Variants in TENM4 observed in about 807,000 individuals in gnomAD.
The protein encoded by TENM4 is teneurin-4.
Under a neutral mutation model 243.3 loss-of-function variants are expected in TENM4, and 82 were observed. The observed-to-expected ratio is 0.34, with a 90% CI of 0.28 to 0.40. The LOEUF is 0.40. Ranked by LOEUF, TENM4 falls within the 10% of genes least tolerant of loss-of-function variation. TENM4 has a pLI of 1.00. For missense variants in TENM4, 3,138 were observed against 3,673.3 expected, an observed-to-expected ratio of 0.85 and a Z score of 3.77; for synonymous variants, 1,412 against 1,456.3, an observed-to-expected ratio of 0.97 and a Z score of 0.69.
At chr11:79,104,933 T>A (rs76883071) in intron 4 of TENM4, among the ~76,000 whole-genome samples, 2,235 of 152,318 alleles carry the variant, frequency 0.015, 47 homozygotes, top group African/African-American at 0.049. Flanking sequence ...ACTGAACGGC[T>A]GCTTGGAGCT....
chr11:79,006,851 T>C (rs1056811168), intron 6 of TENM4, among the ~76,000 whole-genome samples: 8 of 152,230 alleles, frequency 5.3e-5, no homozygotes, highest in African/African-American at 1.9e-4. Flanking sequence ...AGCACAGATA[T>C]TTGGTCAAAC....
At chr11:78,848,800 G>A (rs576434490) in intron 12 of TENM4, among the ~76,000 whole-genome samples, 2 of 152,134 alleles carry the variant, frequency 1.3e-5, no homozygotes, top group East Asian at 3.9e-4. Context: ...GAGCAAGGAT[G>A]CAATCCTTGC....
rs375847543 is a variant in TENM4, at chr11:78,705,882, T to C, written c.4209+2479A>G. ...GGATAACACATATTACATAGGGTAG[T>C]TGTAAAGCTTAAATGAGACAATGTA... On this transcript the variant is annotated intron_variant, in intron 27 of 33. Coordinates refer to ENST00000278550, the MANE Select transcript of TENM4 (RefSeq NM_001098816.3). Among the ~76,000 whole-genome samples, 4 of 152,362 alleles carry C rather than the reference T, an allele frequency of 2.6e-5. No individual in the cohort carries two copies. The East Asian group carries it at 7.7e-4, about 29-fold the overall frequency.
intron 1 of TENM4, among the ~76,000 whole-genome samples, chr11:79,372,118 T>C (rs1315723977): frequency 6.6e-6 from 1 of 152,156 alleles, no homozygotes; most frequent in East Asian, 1.9e-4. Flanking sequence ...CACCAAAAGT[T>C]TGGAATAGAA....
chr11:78,671,083 T>C (rs1858312802), intron 31 of TENM4, among the ~76,000 whole-genome samples: 1 of 152,194 alleles, frequency 6.6e-6, no homozygotes, highest in Admixed American at 6.5e-5. Flanking sequence ...GCTGACTCCC[T>C]GTGGCTTACA....
At chr11:79,210,539 C>T (rs527739271) in intron 3 of TENM4, among the ~76,000 whole-genome samples, 10 of 152,244 alleles carry the variant, frequency 6.6e-5, no homozygotes, top group Admixed American at 2.0e-4. Flanking sequence ...GCCAAGCAAG[C>T]GTGGAGTCGT....
intron 6 of TENM4, among the ~76,000 whole-genome samples, chr11:78,996,502 C>A (rs1294470791): frequency 6.6e-6 from 1 of 152,134 alleles, no homozygotes; most frequent in Non-Finnish European, 1.5e-5. Flanking sequence ...CCCAGTCAAC[C>A]CACAGAATTA....
In TENM4 at chr11:78,669,890, T is replaced by TTCA. The variant is rs1565323859; in HGVS notation, c.6452_6454dup (p.Met2151dup). ...GCGGAAGATCTCATACTGCACTTCC[T>TTCA]TCATCCTGCCATATGCATCAAAATG... On this transcript the variant is annotated inframe_insertion, in exon 32 of 34. Transcript: ENST00000278550. This position sits in a 1 kb window ranked among gnomAD's most constrained non-coding sequence, Gnocchi z 6.4. 1 of 1,613,874 alleles carries TTCA rather than the reference T, an allele frequency of 6.2e-7. No individual in the cohort carries two copies. The highest frequency in any genetic ancestry group is 1.7e-5 in the Admixed American group (1 of 60,002).
chr11:78,742,536 C>T (rs559395644), intron 19 of TENM4, among the ~76,000 whole-genome samples: 2 of 152,316 alleles, frequency 1.3e-5, no homozygotes, highest in South Asian at 4.1e-4. Flanking sequence ...GTAGTTTTCT[C>T]TGACACCAGT....
intron 3 of TENM4, among the ~76,000 whole-genome samples, chr11:79,161,546 T>C (rs952083504): frequency 1.3e-5 from 2 of 152,080 alleles, no homozygotes; most frequent in Middle Eastern, 3.2e-3. Flanking sequence ...GGGTGGAGAC[T>C]GCAGTGATGT....
chr11:79,029,647 A>C (rs1016393918), intron 6 of TENM4, among the ~76,000 whole-genome samples: 2 of 152,134 alleles, frequency 1.3e-5, no homozygotes, highest in Non-Finnish European at 2.9e-5. Context: ...AGGCCTCAAC[A>C]TTTCTCAGTC....
At chr11:79,362,836 T>C (rs1017457407) in intron 1 of TENM4, among the ~76,000 whole-genome samples, 39 of 152,214 alleles carry the variant, frequency 2.6e-4, no homozygotes, top group Non-Finnish European at 5.9e-5. Context: ...ATAGACAAAA[T>C]GCTTACAAAT....
At chr11:78,668,553 G>A (rs772935260) in intron 32 of TENM4, among the ~76,000 whole-genome samples, 3 of 152,120 alleles carry the variant, frequency 2.0e-5, no homozygotes, top group Non-Finnish European at 2.9e-5. Flanking sequence ...CTCCTAAAGT[G>A]CAATCCATGG....
intron 3 of TENM4, among the ~76,000 whole-genome samples, chr11:79,149,887 C>A (rs368141105): frequency 6.6e-5 from 10 of 152,308 alleles, no homozygotes; most frequent in African/African-American, 2.4e-4. Flanking sequence ...TCAAGGTATG[C>A]TCTTTTTTCT....
intron 1 of TENM4, among the ~76,000 whole-genome samples, chr11:79,398,498 G>T (rs186727142): frequency 3.1e-4 from 47 of 152,108 alleles, no homozygotes; most frequent in African/African-American, 1.1e-3. Flanking sequence ...TCACATTATG[G>T]AAATACTAAC....
chr11:79,037,131 A>G (rs1859409642), intron 6 of TENM4, among the ~76,000 whole-genome samples: 1 of 152,114 alleles, frequency 6.6e-6, no homozygotes, highest in South Asian at 2.1e-4. Context: ...GGGCGATTGT[A>G]TTACAACATC....
At chr11:78,938,398 A>G (rs1856829299) in intron 6 of TENM4, among the ~76,000 whole-genome samples, 1 of 152,104 alleles carries the variant, frequency 6.6e-6, no homozygotes, top group Admixed American at 6.5e-5. Flanking sequence ...ATCATTTACC[A>G]CTCAGAGCAT....
At position 78,805,277 on chromosome 11, in the gene TENM4, T is replaced by TGGCCCCCCCCC; in HGVS notation, c.2179+14_2179+15insGGGGGGGGGCC. 2 of 1,402,546 alleles carry TGGCCCCCCCCC rather than the reference T, an allele frequency of 1.4e-6. No homozygotes were observed. Among genetic ancestry groups the TGGCCCCCCCCC allele is most frequent in the Non-Finnish European group, 1.9e-6 (2 of 1,033,112 alleles). 86.9% of individuals were successfully genotyped at this position (1,402,546 alleles called of 1,614,324 possible). ...CCCCTCCCTCTACCCATGCTTCTTC[T>TGGCCCCCCCCC]CCCCCTGCATTTACCGATAGAACAG... is the stretch of plus-strand genomic sequence containing the variant. On this transcript the variant is annotated intron_variant, in intron 15 of 33. Transcript: ENST00000278550.
At chr11:79,318,570 G>A (rs1856839176) in intron 1 of TENM4, among the ~76,000 whole-genome samples, 1 of 152,136 alleles carries the variant, frequency 6.6e-6, no homozygotes, top group Non-Finnish European at 1.5e-5. Context: ...CATTGAAGGT[G>A]GAGTTGGAAA....
Sources: allele counts gnomAD v4.1 joint callset (sites outside exome capture counted in the v4.1 genomes callset), GRCh38; gene constraint gnomAD v4.1.1; non-coding constraint Gnocchi (gnomAD v3.1); transcripts MANE v1.5; gene names NCBI Gene and HGNC (gene_info 2026-07-23, HGNC 2026-07-21).